The following AKAP13 variants were observed in gnomAD, a reference collection of about 807,000 sequenced individuals.
AKAP13 encodes A-kinase anchoring protein 13.
In AKAP13, 80 loss-of-function variants were observed where a neutral mutation model predicts 264.5. The ratio of observed to expected loss-of-function variants is 0.30; its 90% CI spans 0.25 to 0.36. AKAP13 has a LOEUF of 0.36. Ranked by LOEUF, AKAP13 falls within the 10% of genes least tolerant of loss-of-function variation. The pLI, the probability that AKAP13 is intolerant of heterozygous loss-of-function variation, is 1.00. For missense variants in AKAP13, 3,712 were observed against 3,435.2 expected (o/e 1.08, Z -2.01); for synonymous variants, 1,380 against 1,250.2 (o/e 1.10, Z -2.19).
At chr15:85,468,804 G>A (rs1019604475) in intron 1 of AKAP13, among the ~76,000 whole-genome samples, 5 of 151,840 alleles carry the variant, frequency 3.3e-5, no homozygotes, top group African/African-American at 1.2e-4. Flanking sequence ...AATACTTGTA[G>A]AATATTTTCA....
At chr15:85,590,873 G>A (rs549625993) in intron 8 of AKAP13, among the ~76,000 whole-genome samples, 1 of 152,184 alleles carries the variant, frequency 6.6e-6, no homozygotes, top group South Asian at 2.1e-4. Context: ...TCAGAGCCTG[G>A]CACAAAATAA....
intron 8 of AKAP13, chr15:85,619,771 C>A: frequency 9.4e-7 from 1 of 1,063,428 alleles, no homozygotes; most frequent in Non-Finnish European, 1.1e-6. Context: ...ACGGTGTTTG[C>A]TTCTCTTTCA....
At chr15:85,631,762 C>G (rs2081838803) in intron 8 of AKAP13, among the ~76,000 whole-genome samples, 1 of 152,136 alleles carries the variant, frequency 6.6e-6, no homozygotes, top group Non-Finnish European at 1.5e-5. Context: ...CGGGAACTTT[C>G]TGTGCTGTCT....
intron 3 of AKAP13, 46 bp downstream of exon 3, chr15:85,521,621 A>G (rs894523332): frequency 1.9e-6 from 3 of 1,591,972 alleles, no homozygotes; most frequent in South Asian, 1.1e-5. Context: ...TAGTTCTTAA[A>G]CCCTTTTATT....
chr15:85,746,449 G>A lies in AKAP13; in HGVS notation c.*1772G>A, dbSNP rs966123764. On this transcript the variant is annotated 3_prime_UTR_variant, in exon 37 of 37. Coordinates refer to ENST00000394518, the MANE Select transcript of AKAP13 (RefSeq NM_007200.5). Reference sequence around the variant, plus strand: ...AGGCCCAGATGAAATTTTAAAGGGAGGGGGTCCATGTCCTTCCCTCCCCCA... The same window carrying A: ...AGGCCCAGATGAAATTTTAAAGGGAAGGGGTCCATGTCCTTCCCTCCCCCA... The A allele has an allele frequency of 6.6e-6, 1 of 152,178 alleles. No homozygotes were observed. The highest frequency in any genetic ancestry group is 2.1e-4 in the South Asian group (1 of 4,816). The allele number at this position is 152,178 out of a possible 1,614,324, so 9.4% of individuals were successfully genotyped here.
At position 85,560,143 on chromosome 15, in the gene AKAP13, A is replaced by C. The variant is rs1015836473; in HGVS notation, c.663-14988A>C. Among the ~76,000 whole-genome samples the C allele has an allele frequency of 1.9e-4, 29 of 151,092 alleles. No homozygotes were observed. The South Asian group carries it at 5.0e-3, about 26-fold the overall frequency. On this transcript the variant is annotated intron_variant, in intron 5 of 36. Coordinates refer to ENST00000394518, the MANE Select transcript of AKAP13 (RefSeq NM_007200.5). ...TGTCTCCACCTAAAAAAAAAAAAAA[A>C]AAAAAAAAAAAAAACAGTAAAAATA...
intron 1 of AKAP13, among the ~76,000 whole-genome samples, chr15:85,448,430 A>T (rs2073971905): frequency 1.3e-5 from 2 of 152,120 alleles, no homozygotes; most frequent in Non-Finnish European, 2.9e-5. Flanking sequence ...TTTGTCATGA[A>T]ATCTTTGCCC....
At chr15:85,736,165 ATG>A (rs772570799) in intron 33 of AKAP13, 31 bp downstream of exon 33, 19 of 1,530,278 alleles carry the variant, frequency 1.2e-5, no homozygotes, top group South Asian at 1.1e-4. Context: ...TTAAGAAAAT[ATG>A]TGTTTGTTGT....
At chr15:85,726,263 T>G (rs577168159) in intron 26 of AKAP13, 147 bp from the exon 27 acceptor site, 1 of 567,212 alleles carries the variant, frequency 1.8e-6, no homozygotes, top group Non-Finnish European at 3.2e-6. Context: ...AAACTGTTGC[T>G]TTGGAGGAGT....
In AKAP13 at chr15:85,580,748, C is replaced by T. The variant is rs764264542; in HGVS notation, c.2680C>T (p.Leu894=). The T allele has an allele frequency of 1.9e-6, 3 of 1,613,994 alleles. No homozygotes were observed. Among genetic ancestry groups the T allele is most frequent in the African/African-American group, 1.3e-5 (1 of 74,896 alleles). ...LNIKGNTDSS[L]QSVGKATLAL... ...TATCAAGGGGAACACTGACTCTTCC[C>T]TGCAAAGTGTGGGTAAGGCCACTTT... is the stretch of plus-strand genomic sequence containing the variant. The change falls in exon 7 of 37, where the codon CTG becomes TTG. Residue 894 remains leucine (L), a synonymous_variant. Coordinates refer to ENST00000394518, the MANE Select transcript of AKAP13 (RefSeq NM_007200.5).
intron 2 of AKAP13, among the ~76,000 whole-genome samples, chr15:85,491,934 A>G (rs1452547476): frequency 6.6e-6 from 1 of 152,208 alleles, no homozygotes; most frequent in African/African-American, 2.4e-5. Flanking sequence ...AGAAAGCTGC[A>G]TCGTTACTTT....
intron 1 of AKAP13, among the ~76,000 whole-genome samples, chr15:85,468,494 CATAT>C (rs1262014135): frequency 1.3e-5 from 2 of 152,130 alleles, no homozygotes; most frequent in Non-Finnish European, 2.9e-5. Flanking sequence ...GAAGAATAGG[CATAT>C]TAGCATTTTA....
chr15:85,743,423 G>C lies in AKAP13; in HGVS notation c.8059-69G>C, dbSNP rs2089205229. 5 of 1,525,786 alleles carry C rather than the reference G, an allele frequency of 3.3e-6. No homozygotes were observed. In the South Asian group the frequency reaches 6.1e-5, roughly 19 times the overall value. The allele number at this position is 1,525,786 out of a possible 1,614,324, so 94.5% of individuals were successfully genotyped here. A position where few individuals can be genotyped will look rare whatever the true frequency, so the allele number is the denominator to read the frequency against. On this transcript the variant is annotated intron_variant, in intron 35 of 36. Transcript: ENST00000394518. ...AGCACACCCAGTTGAATTCAGCCAG[G>C]ATTTATTGAGTTGGCATCACGGACG...
chr15:85,726,580 A>G lies in AKAP13; in HGVS notation c.6822+94A>G, dbSNP rs2087627610. ...TGTTATTGCTCTCCCCCGCCCTCTT[A>G]AAATTAAATGGCTCAGGACAAATTC... On this transcript the variant is annotated intron_variant, in intron 27 of 36. Transcript: ENST00000394518. 8 of 1,068,380 alleles carry G rather than the reference A, an allele frequency of 7.5e-6. No homozygotes were observed. In the East Asian group the frequency reaches 2.0e-4, roughly 26 times the overall value. 66.2% of individuals were successfully genotyped at this position (1,068,380 alleles called of 1,614,324 possible).
chr15:85,642,379 A>T (rs929209215), intron 9 of AKAP13, among the ~76,000 whole-genome samples: 7 of 152,204 alleles, frequency 4.6e-5, no homozygotes, highest in African/African-American at 1.7e-4. Flanking sequence ...TAACTAAAAA[A>T]CCAGAGCTCT....
chr15:85,561,022 T>G (rs2078351712), intron 5 of AKAP13, among the ~76,000 whole-genome samples: 1 of 151,746 alleles, frequency 6.6e-6, no homozygotes, highest in African/African-American at 2.4e-5. Context: ...TTTGATTTGA[T>G]AGATGTGATA....
chr15:85,639,133 C>T (rs4842895), intron 8 of AKAP13, among the ~76,000 whole-genome samples: 79,159 of 151,928 alleles, frequency 0.52, 21,364 homozygotes, highest in Middle Eastern at 0.66. Context: ...CCTTCATCTT[C>T]GTGTATCTTT....
intron 1 of AKAP13, among the ~76,000 whole-genome samples, chr15:85,458,408 TA>T (rs1310709783): frequency 1.4e-5 from 2 of 147,926 alleles, no homozygotes; most frequent in Admixed American, 6.7e-5. Flanking sequence ...TTTTTTTTTT[TA>T]CTATATATGT....
At chr15:85,693,162 C>T (rs2085384999) in intron 16 of AKAP13, 115 bp from the exon 17 acceptor site, 6 of 1,392,612 alleles carry the variant, frequency 4.3e-6, no homozygotes, top group Non-Finnish European at 4.6e-6. Context: ...TTGTTTCTCA[C>T]TCCTTTCCAA....
Sources: gnomAD v4.1 joint callset for allele counts (sites outside exome capture counted in the v4.1 genomes callset) on GRCh38, gnomAD v4.1.1 for gene constraint, MANE v1.5 for transcripts, NCBI Gene and HGNC (gene_info 2026-07-23, HGNC 2026-07-21) for gene names.